Variants in FLNB observed in about 807,000 individuals in gnomAD.
The protein encoded by FLNB is filamin B, also known as filamin-B.
Under a neutral mutation model 250.6 loss-of-function variants are expected in FLNB, and 111 were observed. The observed-to-expected ratio is 0.44, with a 90% CI of 0.38 to 0.52. The LOEUF is 0.52. FLNB is among the 20% of genes least tolerant of loss of function. The pLI, the probability that FLNB is intolerant of heterozygous loss-of-function variation, is 0.00. For synonymous variants in FLNB, 1,302 were observed against 1,372.1 expected (o/e 0.95, Z 1.13); for missense variants, 2,869 against 3,447.8 (o/e 0.83, Z 4.20).
At position 58,111,822 on chromosome 3, in the gene FLNB, T is replaced by G. The variant is rs765267560; in HGVS notation, c.2516T>G (p.Val839Gly). The change falls in exon 17 of 46, where the codon GTT becomes GGT. Residue 839 changes from valine (V) to glycine (G), a missense_variant. This residue lies in a region of FLNB where 1,348 missense variants were observed against 1,466.7 expected (regional missense o/e 0.92). Transcript: ENST00000295956. The part of the protein sequence containing the change: ...EIPASPFRVK[V>G]DPSHDASKVK... ...CCCGCCAGCCCTTTCAGAGTCAAAG[T>G]TGACCCTTCCCACGATGCCAGCAAA... The G allele has an allele frequency of 2.4e-5, 38 of 1,614,148 alleles. No individual in the cohort carries two copies. The highest frequency in any genetic ancestry group is 3.1e-5 in the Non-Finnish European group (36 of 1,180,006).
In FLNB at chr3:58,098,835, C is replaced by T. The variant is rs762124233; in HGVS notation, c.1272C>T (p.Gly424=). 8.1e-6 allele frequency: 13 copies of T among 1,614,110 alleles called. No individual in the cohort carries two copies. In the Admixed American group the frequency reaches 1.8e-4, roughly 23 times the overall value. ...GTGTGTACAAACCCATGCAGCCTGGCCCTCACGTGGTCAAGATCTTCTTTG... is the reference window on the plus strand; with the variant it reads ...GTGTGTACAAACCCATGCAGCCTGGTCCTCACGTGGTCAAGATCTTCTTTG... ...YRCVYKPMQP[G]PHVVKIFFAG... Residue 424 remains glycine, a synonymous_variant, in exon 8 of 46, where the codon GGC becomes GGT. Coordinates refer to ENST00000295956, the MANE Select transcript of FLNB (RefSeq NM_001457.4).
chr3:58,078,594 C>A, intron 2 of FLNB, 123 bp from the exon 3 acceptor site: 1 of 1,519,622 alleles, frequency 6.6e-7, no homozygotes, highest in South Asian at 1.2e-5. Flanking sequence ...ATGATTTGCT[C>A]AGATTTTAGG....
At chr3:58,030,944 C>A (rs1472483904) in intron 1 of FLNB, among the ~76,000 whole-genome samples, 1 of 152,146 alleles carries the variant, frequency 6.6e-6, no homozygotes, top group Non-Finnish European at 1.5e-5. Context: ...TGTGTATCCA[C>A]AAAAGTTAAA....
At chr3:58,068,233 G>A (rs2097188852) in intron 1 of FLNB, among the ~76,000 whole-genome samples, 2 of 152,250 alleles carry the variant, frequency 1.3e-5, no homozygotes, top group Non-Finnish European at 2.9e-5. Flanking sequence ...AGGGGACAAA[G>A]GCCACAGATA....
intron 12 of FLNB, among the ~76,000 whole-genome samples, 164 bp from the exon 13 acceptor site, chr3:58,108,294 C>T (rs1265633371): frequency 1.3e-5 from 2 of 152,138 alleles, no homozygotes; most frequent in Non-Finnish European, 2.9e-5. Context: ...TAAGTTACAA[C>T]CTACTTTAGC....
chr3:58,084,681 G>A (rs892431600), intron 4 of FLNB, among the ~76,000 whole-genome samples: 1 of 151,888 alleles, frequency 6.6e-6, no homozygotes, highest in Non-Finnish European at 1.5e-5. Context: ...ACGTTGTTGT[G>A]CAACCGCCAC....
chr3:58,050,619 C>CA (rs1553686177), intron 1 of FLNB, among the ~76,000 whole-genome samples: 1 of 152,162 alleles, frequency 6.6e-6, no homozygotes, highest in Non-Finnish European at 1.5e-5. Flanking sequence ...CACACTATAC[C>CA]AGTGAGGACT....
At chr3:58,141,403 ACTG>A (rs2097326785) in intron 29 of FLNB, among the ~76,000 whole-genome samples, 1 of 152,124 alleles carries the variant, frequency 6.6e-6, no homozygotes, top group African/African-American at 2.4e-5. Flanking sequence ...CACCGTACAT[ACTG>A]CTTTCGCACC....
At chr3:58,098,013 G>A (rs140265171) in intron 7 of FLNB, 36 bp downstream of exon 7, 350 of 1,610,160 alleles carry the variant, frequency 2.2e-4, no homozygotes, top group Non-Finnish European at 2.8e-4. Flanking sequence ...TGACCTTTGC[G>A]CTTTCTTCCA....
At chr3:58,143,329 A>G in intron 31 of FLNB, 144 bp from the exon 32 acceptor site, 5 of 827,636 alleles carry the variant, frequency 6.0e-6, no homozygotes, top group Non-Finnish European at 1.0e-5. Context: ...GGTCTCTCCC[A>G]TTGTGGGACT....
At position 58,170,705 on chromosome 3, in the gene FLNB, T is replaced by G. The variant is rs1297787012; in HGVS notation, c.7752T>G (p.Ala2584=). 6.2e-7 allele frequency: 1 copy of G among 1,614,076 alleles called. No individual in the cohort carries two copies. The highest frequency in any genetic ancestry group is 1.3e-5 in the African/African-American group (1 of 74,924). ...AGGAGAGGGGCGATTATGTGCTGGC[T>G]GTGAAGTGGGGGGAGGAACACATCC... is the stretch of plus-strand genomic sequence containing the variant. ...VVKERGDYVL[A]VKWGEEHIPG... The change falls in exon 46 of 46, where the codon GCT becomes GCG. Residue 2584 remains alanine (A), a synonymous_variant. Transcript: ENST00000295956.
chr3:58,077,768 T>C (rs557858169), intron 2 of FLNB, among the ~76,000 whole-genome samples: 3 of 152,346 alleles, frequency 2.0e-5, no homozygotes, highest in Admixed American at 2.0e-4. Flanking sequence ...TCTGTGTTGC[T>C]GTGAAATAGC....
intron 25 of FLNB, chr3:58,132,425 G>A (rs12632362): frequency 0.36 from 142,978 of 402,292 alleles, 31,907 homozygotes; most frequent in East Asian, 0.92. Context: ...CTCTTTGGCA[G>A]TGTCTCAGCT....
intron 4 of FLNB, among the ~76,000 whole-genome samples, chr3:58,084,826 T>C (rs2097214869): frequency 6.6e-6 from 1 of 152,160 alleles, no homozygotes; most frequent in Admixed American, 6.5e-5. Flanking sequence ...AATTTGCTTA[T>C]TCTAGGGACC....
chr3:58,145,244 T>C (rs150539685), intron 32 of FLNB, among the ~76,000 whole-genome samples: 39 of 152,382 alleles, frequency 2.6e-4, no homozygotes, highest in African/African-American at 9.4e-4. Context: ...TTTTATTCTA[T>C]TTTGTTTTTA....
At chr3:58,030,218 AAGAAT>A (rs772317529) in intron 1 of FLNB, among the ~76,000 whole-genome samples, 1 of 152,184 alleles carries the variant, frequency 6.6e-6, no homozygotes, top group Non-Finnish European at 1.5e-5. Context: ...ATCGGATAGC[AAGAAT>A]AGACTTCAAG....
In FLNB at chr3:58,170,801, G is replaced by C; in HGVS notation, c.*39G>C. 6.3e-7 allele frequency: 1 copy of C among 1,577,342 alleles called. No individual in the cohort carries two copies. On this transcript the variant is annotated 3_prime_UTR_variant, in exon 46 of 46. Transcript: ENST00000295956. The stretch of plus-strand genomic sequence containing the variant: ...AATCCTGGAGAGAGTTCTTGTGGTT[G>C]CTTTTGTTGCTTGTTTGTAATTCAT...
At chr3:58,156,255 G>A (rs2107297759) in intron 41 of FLNB, among the ~76,000 whole-genome samples, 180 bp downstream of exon 41, 1 of 152,294 alleles carries the variant, frequency 6.6e-6, no homozygotes, top group Admixed American at 6.5e-5. Flanking sequence ...TACACTTAGG[G>A]CGGATGACAC....
chr3:58,078,373 T>C, intron 2 of FLNB: 1 of 1,516,516 alleles, frequency 6.6e-7, no homozygotes, highest in Non-Finnish European at 8.8e-7. Context: ...TTTAGATATA[T>C]CCAGGAATAG....
Sources: allele counts gnomAD v4.1 joint callset (sites outside exome capture counted in the v4.1 genomes callset), GRCh38; gene constraint gnomAD v4.1.1; regional missense constraint gnomAD v4.1.1; transcripts MANE v1.5; gene names NCBI Gene and HGNC (gene_info 2026-07-23, HGNC 2026-07-21).